Variants in NEGR1 observed in about 807,000 individuals in gnomAD.
NEGR1 encodes neuronal growth regulator 1.
Under a neutral mutation model 40.9 loss-of-function variants are expected in NEGR1, and 10 were observed. That is an observed-to-expected ratio of 0.24 (90% confidence interval 0.15 to 0.42). NEGR1 has a LOEUF of 0.42. Among genes scored for constraint, NEGR1 ranks in the 10% least tolerant of loss-of-function variants. NEGR1 has a pLI of 1.00. For synonymous variants in NEGR1, 185 were observed against 166.8 expected, an observed-to-expected ratio of 1.11 and a Z score of -0.84; for missense variants, 352 against 438.9, an observed-to-expected ratio of 0.80 and a Z score of 1.77.
Position 71,611,811 on chromosome 1 carries a change from C to T in NEGR1, c.668-665G>A, listed in dbSNP as rs1005348621. Among the ~76,000 whole-genome samples, 7 of 152,292 alleles carry T rather than the reference C, an allele frequency of 4.6e-5. No homozygotes were observed. In the South Asian group the frequency reaches 1.0e-3, roughly 23 times the overall value. On this transcript the variant is annotated intron_variant, in intron 4 of 6. Transcript: ENST00000357731. ...TTCCCCATTTCCACAGATTCAAGAT[C>T]CATATTAGGCATCAGTGTCCCCATG...
chr1:71,926,432 C>A (rs1252646620), intron 2 of NEGR1, among the ~76,000 whole-genome samples: 1 of 151,858 alleles, frequency 6.6e-6, no homozygotes, highest in African/African-American at 2.4e-5. Context: ...TGGCCCTCTT[C>A]TACCACCCTC....
At chr1:72,021,056 A>G (rs1170467716) in intron 1 of NEGR1, among the ~76,000 whole-genome samples, 1 of 152,170 alleles carries the variant, frequency 6.6e-6, no homozygotes, top group Non-Finnish European at 1.5e-5. Context: ...AACACATACT[A>G]AAAGTCCTGA....
At chr1:72,127,490 A>AAT (rs1650073406) in intron 1 of NEGR1, among the ~76,000 whole-genome samples, 4 of 147,376 alleles carry the variant, frequency 2.7e-5, no homozygotes, top group Non-Finnish European at 4.5e-5. Context: ...AAAAAAAAAA[A>AAT]GGGAGAATTG....
chr1:71,943,056 A>ATG (rs1302578595), intron 1 of NEGR1, among the ~76,000 whole-genome samples: 1 of 131,078 alleles, frequency 7.6e-6, no homozygotes, highest in African/African-American at 2.8e-5. Context: ...GTGTATATAT[A>ATG]TGTGTGTGTA....
At chr1:71,464,904 C>T (rs960758055) in intron 6 of NEGR1, among the ~76,000 whole-genome samples, 1 of 152,048 alleles carries the variant, frequency 6.6e-6, no homozygotes, top group African/African-American at 2.4e-5. Context: ...CAGTGGTACA[C>T]AGTTATGCAA....
chr1:71,452,441 G>C (rs571029783), intron 6 of NEGR1, among the ~76,000 whole-genome samples: 2 of 152,272 alleles, frequency 1.3e-5, no homozygotes, highest in Admixed American at 1.3e-4. Flanking sequence ...AGATACAGCA[G>C]GGGCTTCAAC....
At chr1:71,851,044 G>A (rs572812235) in intron 2 of NEGR1, among the ~76,000 whole-genome samples, 2 of 152,244 alleles carry the variant, frequency 1.3e-5, no homozygotes, top group Non-Finnish European at 2.9e-5. Flanking sequence ...TTTCCTGTGG[G>A]CCTTTGAAAG....
At chr1:72,064,652 T>C (rs1569902631) in intron 1 of NEGR1, among the ~76,000 whole-genome samples, 1 of 152,204 alleles carries the variant, frequency 6.6e-6, no homozygotes, top group South Asian at 2.1e-4. Flanking sequence ...AAGGATATGC[T>C]CTACAGAAAA....
intron 1 of NEGR1, among the ~76,000 whole-genome samples, chr1:71,980,006 G>C (rs1452384733): frequency 6.6e-6 from 1 of 152,116 alleles, no homozygotes; most frequent in East Asian, 1.9e-4. Context: ...TTTCAGAGTG[G>C]TAAAAGTGAG....
intron 1 of NEGR1, among the ~76,000 whole-genome samples, chr1:72,196,240 G>A (rs1194782222): frequency 6.6e-6 from 1 of 151,752 alleles, no homozygotes; most frequent in African/African-American, 2.4e-5. Context: ...TTTGGATTTG[G>A]GATTTTTAAA....
chr1:71,756,051 T>C (rs1263426168), intron 3 of NEGR1, among the ~76,000 whole-genome samples: 1 of 152,172 alleles, frequency 6.6e-6, no homozygotes, highest in Non-Finnish European at 1.5e-5. Flanking sequence ...TCTCACTGTT[T>C]TTTAATACAT....
intron 1 of NEGR1, among the ~76,000 whole-genome samples, chr1:72,147,407 A>G (rs976806173): frequency 6.6e-6 from 1 of 152,058 alleles, no homozygotes; most frequent in Non-Finnish European, 1.5e-5. Context: ...CTATCACAAG[A>G]ATAGCAAGGA....
At chr1:71,861,201 T>C (rs949828297) in intron 2 of NEGR1, among the ~76,000 whole-genome samples, 1 of 152,002 alleles carries the variant, frequency 6.6e-6, no homozygotes, top group African/African-American at 2.4e-5. Context: ...TTCCTTCATC[T>C]CTTTGTGACT....
At position 71,524,134 on chromosome 1, in the gene NEGR1, T is replaced by G. The variant is rs1302048489; in HGVS notation, c.940+68683A>C. ...ATCCTATGTCCAGGAAAGAAACTATTTCCTACATGCATTATTGAAAGACTA... is the reference window on the plus strand; with the variant it reads ...ATCCTATGTCCAGGAAAGAAACTATGTCCTACATGCATTATTGAAAGACTA... On this transcript the variant is annotated intron_variant, in intron 6 of 6. Transcript: ENST00000357731. 2.0e-5 allele frequency among the ~76,000 whole-genome samples: 3 copies of G among 151,960 alleles called. No individual in the cohort carries two copies. In the East Asian group the frequency reaches 5.8e-4, roughly 30 times the overall value.
intron 2 of NEGR1, among the ~76,000 whole-genome samples, chr1:71,922,236 A>G (rs1645727261): frequency 6.6e-6 from 1 of 152,128 alleles, no homozygotes; most frequent in South Asian, 2.1e-4. Context: ...TGACAATAAG[A>G]GAGAGGAAAA....
intron 6 of NEGR1, among the ~76,000 whole-genome samples, chr1:71,478,313 T>A (rs909429876): frequency 2.6e-5 from 4 of 152,060 alleles, no homozygotes; most frequent in Non-Finnish European, 5.9e-5. Context: ...ATCCTTGGCA[T>A]GAAATTTAAG....
chr1:72,045,563 C>T (rs912794269), intron 1 of NEGR1, among the ~76,000 whole-genome samples: 4 of 151,746 alleles, frequency 2.6e-5, no homozygotes, highest in Non-Finnish European at 5.9e-5. Context: ...CACAAGCTCT[C>T]TTTTTGCCTG....
At chr1:72,141,502 G>GTT (rs967224621) in intron 1 of NEGR1, among the ~76,000 whole-genome samples, 25 of 152,024 alleles carry the variant, frequency 1.6e-4, no homozygotes, top group African/African-American at 5.1e-4. Flanking sequence ...ATTTGAATGA[G>GTT]TTATCATCTT....
At chr1:71,531,283 T>A (rs1647349003) in intron 6 of NEGR1, among the ~76,000 whole-genome samples, 1 of 151,398 alleles carries the variant, frequency 6.6e-6, no homozygotes, top group Admixed American at 6.6e-5. Context: ...CTATTCTTTG[T>A]TTGAGTAGAT....
Sources: gnomAD v4.1 joint callset for allele counts (sites outside exome capture counted in the v4.1 genomes callset) on GRCh38, gnomAD v4.1.1 for gene constraint, MANE v1.5 for transcripts, NCBI Gene and HGNC (gene_info 2026-07-23, HGNC 2026-07-21) for gene names.